The following PCDHGB2 variants were observed in gnomAD, a reference collection of about 807,000 sequenced individuals.
PCDHGB2 encodes the protein protocadherin gamma subfamily B, 2, also known as protocadherin gamma-B2.
A neutral mutation model predicts 59.3 loss-of-function variants in PCDHGB2; 55 were observed. The observed-to-expected ratio is 0.93, with a 90% confidence interval of 0.75 to 1.16. The LOEUF (loss-of-function observed/expected upper bound fraction) is 1.16, where lower values mean the gene tolerates loss of function less well. Among genes scored for constraint, PCDHGB2 ranks in the 50% most tolerant of loss-of-function variants. PCDHGB2 has a pLI of 0.00. For missense variants in PCDHGB2, 1,228 were observed against 1,198.5 expected (o/e 1.02, Z -0.36); for synonymous variants, 516 against 512.0 (o/e 1.01, Z -0.11).
Position 141,486,319 on chromosome 5 carries a change from C to T in PCDHGB2, c.2422-8488C>T, listed in dbSNP as rs148184642. The T allele has an allele frequency of 1.7e-4, 268 of 1,614,058 alleles. No individual in the cohort carries two copies. The African/African-American group carries it at 1.7e-3, about 10-fold the overall frequency. Reference sequence around the variant, plus strand: ...TGCAGGATCCAGACTCAGGGTCAAACGGAGATGTGAGCCTCCGCATTCCTG... The same window carrying T: ...TGCAGGATCCAGACTCAGGGTCAAATGGAGATGTGAGCCTCCGCATTCCTG... On this transcript the variant is annotated intron_variant, in intron 1 of 3. Transcript: ENST00000522605. The surrounding 1 kb of genome is among the most constrained non-coding windows in gnomAD (Gnocchi z 5.0).
chr5:141,405,974 A>T (rs1194827537), intron 1 of PCDHGB2, among the ~76,000 whole-genome samples: 1 of 152,002 alleles, frequency 6.6e-6, no homozygotes, highest in Non-Finnish European at 1.5e-5. Context: ...AACGTAAACC[A>T]TACTTCATGG....
At chr5:141,472,980 C>CAAAAAAAAAAAA (rs60579131) in intron 1 of PCDHGB2, among the ~76,000 whole-genome samples, 2 of 86,098 alleles carry the variant, frequency 2.3e-5, no homozygotes, top group African/African-American at 3.9e-5. Context: ...GAGTGAAACT[C>CAAAAAAAAAAAA]AAAAAAAAAA....
At chr5:141,383,138 G>A (rs538619604) in intron 1 of PCDHGB2, 56 of 1,614,132 alleles carry the variant, frequency 3.5e-5, no homozygotes, top group Admixed American at 2.7e-4. Flanking sequence ...CTGAACCAGC[G>A]CAGCGGCAGC....
chr5:141,491,006 T>C lies in PCDHGB2; in HGVS notation c.2422-3801T>C. The C allele has an allele frequency of 6.2e-7, 1 of 1,614,062 alleles. No homozygotes were observed. Among genetic ancestry groups the C allele is most frequent in the Non-Finnish European group, 8.5e-7 (1 of 1,180,028 alleles). ...CGCTCTGCTCCTCCTGGCTCCTTGG[T>C]CACCAAGGTGACAGCCGTGGATGCT... On this transcript the variant is annotated intron_variant, in intron 1 of 3. Transcript: ENST00000522605. This position sits in a 1 kb window ranked among gnomAD's most constrained non-coding sequence, Gnocchi z 6.9.
At position 141,465,539 on chromosome 5, in the gene PCDHGB2, T is replaced by C. The variant is rs2099105222; in HGVS notation, c.2422-29268T>C. On this transcript the variant is annotated intron_variant, in intron 1 of 3. Transcript: ENST00000522605. ...GATTCTGGGGAAGTTTTCCCAGGCA[T>C]TTTTTCTGCTGAAGCTTTGGTAACT... Among the ~76,000 whole-genome samples the C allele has an allele frequency of 2.0e-5, 3 of 152,178 alleles. No homozygotes were observed. In the South Asian group the frequency reaches 6.2e-4, roughly 32 times the overall value.
At chr5:141,372,540 C>T (rs1208837944) in intron 1 of PCDHGB2, 2 of 1,614,012 alleles carry the variant, frequency 1.2e-6, no homozygotes, top group Non-Finnish European at 1.7e-6. Flanking sequence ...CCTGCGCCTG[C>T]GATGCTCCTC....
chr5:141,364,611 A>C, intron 1 of PCDHGB2: 1 of 1,614,182 alleles, frequency 6.2e-7, no homozygotes, highest in African/African-American at 1.3e-5. Context: ...GACCGGGAGG[A>C]GCTCTGCGCT....
intron 1 of PCDHGB2, among the ~76,000 whole-genome samples, chr5:141,426,040 G>C (rs1032424646): frequency 2.0e-5 from 3 of 152,212 alleles, no homozygotes; most frequent in African/African-American, 7.2e-5. Flanking sequence ...GAGCCCTGCT[G>C]TTGGCCAATG....
chr5:141,423,513 G>A, intron 1 of PCDHGB2: 2 of 1,613,750 alleles, frequency 1.2e-6, no homozygotes. Context: ...CTCTCATTGC[G>A]GACTCGCAGA....
intron 3 of PCDHGB2, among the ~76,000 whole-genome samples, chr5:141,506,132 G>T (rs114930087): frequency 1.2e-4 from 18 of 152,310 alleles, no homozygotes; most frequent in African/African-American, 4.3e-4. Context: ...CAGAGCAGGA[G>T]AAGAAGAATA....
intron 1 of PCDHGB2, chr5:141,413,386 GTC>G: frequency 6.2e-7 from 1 of 1,614,002 alleles, no homozygotes; most frequent in Non-Finnish European, 8.5e-7. Context: ...AGTCCGCATA[GTC>G]TCCAGAGGTA....
chr5:141,409,237 A>G lies in PCDHGB2; in HGVS notation c.2421+46681A>G, dbSNP rs375806619. The G allele has an allele frequency of 7.2e-5, 116 of 1,614,054 alleles. 2 individuals are homozygous for G. Among genetic ancestry groups the G allele is most frequent in the East Asian group, 6.5e-4 (29 of 44,886 alleles). ...TCCTTGATGAAAACGACAACAGCCC[A>G]GAAATAATCATCACTTCTCTCTCTG... On this transcript the variant is annotated intron_variant, in intron 1 of 3. Coordinates refer to ENST00000522605, the MANE Select transcript of PCDHGB2 (RefSeq NM_018923.3).
Position 141,491,456 on chromosome 5 carries a change from C to A in PCDHGB2, c.2422-3351C>A. ...TGCAGGCGCCAGGACTCACCCTCCC[C>A]GGACTTCTATAAGCAGTCCAGCCCC... On this transcript the variant is annotated intron_variant, in intron 1 of 3. Coordinates refer to ENST00000522605, the MANE Select transcript of PCDHGB2 (RefSeq NM_018923.3). The surrounding 1 kb of genome is among the most constrained non-coding windows in gnomAD (Gnocchi z 6.9). 1.2e-6 allele frequency: 2 copies of A among 1,614,104 alleles called. No homozygotes were observed.
chr5:141,389,610 G>T (rs1488136363), intron 1 of PCDHGB2: 1 of 1,613,000 alleles, frequency 6.2e-7, no homozygotes, highest in Admixed American at 1.7e-5. Context: ...CTTCGATATG[G>T]TGCCGCACGC....
chr5:141,433,703 G>T (rs1561871157), intron 1 of PCDHGB2, among the ~76,000 whole-genome samples: 1 of 152,098 alleles, frequency 6.6e-6, no homozygotes, highest in Non-Finnish European at 1.5e-5. Flanking sequence ...CGGGCGTGGT[G>T]GTGCATGTCT....
chr5:141,366,069 G>T (rs544928184), intron 1 of PCDHGB2: 12 of 1,614,216 alleles, frequency 7.4e-6, no homozygotes, highest in African/African-American at 2.7e-5. Context: ...CTGGCGCCTC[G>T]CTCCGCAGAA....
chr5:141,401,125 C>T (rs2094118410), intron 1 of PCDHGB2, among the ~76,000 whole-genome samples: 1 of 152,200 alleles, frequency 6.6e-6, no homozygotes, highest in South Asian at 2.1e-4. Context: ...GGTTGGATCA[C>T]ATGGTCAGGA....
chr5:141,501,328 CACA>C (rs2099808027), intron 2 of PCDHGB2, among the ~76,000 whole-genome samples: 1 of 151,710 alleles, frequency 6.6e-6, no homozygotes, highest in Non-Finnish European at 1.5e-5. Context: ...CACACACACA[CACA>C]CACCCCAAAC....
intron 1 of PCDHGB2, chr5:141,408,948 T>C (rs768951087): frequency 6.2e-7 from 1 of 1,613,478 alleles, no homozygotes; most frequent in Non-Finnish European, 8.5e-7. Context: ...GAATATAGAA[T>C]TAGTCTTAGT....
Sources: gnomAD v4.1 joint callset for allele counts (sites outside exome capture counted in the v4.1 genomes callset) on GRCh38, gnomAD v4.1.1 for gene constraint, Gnocchi (gnomAD v3.1) non-coding constraint, MANE v1.5 for transcripts, NCBI Gene and HGNC (gene_info 2026-07-23, HGNC 2026-07-21) for gene names.